LAMA2: variants seen among roughly 807,000 people sequenced by gnomAD.
LAMA2 encodes the protein laminin subunit alpha-2.
LAMA2 carries 269 observed loss-of-function variants against 364.8 expected under a neutral mutation model. The ratio of observed to expected loss-of-function variants is 0.74; its 90% CI spans 0.67 to 0.82. The LOEUF (loss-of-function observed/expected upper bound fraction) is 0.82. Among genes scored for constraint, LAMA2 ranks in the 40% least tolerant of loss-of-function variants. The pLI, the probability that LAMA2 is intolerant of heterozygous loss-of-function variation, is 0.00. For missense variants in LAMA2, 3,807 were observed against 3,873.2 expected, an observed-to-expected ratio of 0.98 and a Z score of 0.45; for synonymous variants, 1,379 against 1,370.6, an observed-to-expected ratio of 1.01 and a Z score of -0.14.
At chr6:129,018,330 T>C (rs1444036797) in intron 1 of LAMA2, among the ~76,000 whole-genome samples, 1 of 151,952 alleles carries the variant, frequency 6.6e-6, no homozygotes, top group East Asian at 1.9e-4. Context: ...TGTCAGGAAA[T>C]CAATTTGAAG....
At chr6:128,912,323 A>C (rs927682384) in intron 1 of LAMA2, among the ~76,000 whole-genome samples, 3 of 140,068 alleles carry the variant, frequency 2.1e-5, no homozygotes, top group Middle Eastern at 7.0e-3. Flanking sequence ...ACCGTAATGG[A>C]TATTTTTTTC....
chr6:128,938,457 C>A (rs1296297985), intron 1 of LAMA2, among the ~76,000 whole-genome samples: 1 of 152,030 alleles, frequency 6.6e-6, no homozygotes, highest in Admixed American at 6.6e-5. Context: ...TTTTAGACGG[C>A]GTAGTTATAG....
At chr6:129,415,585 C>T (rs1277476386) in intron 40 of LAMA2, among the ~76,000 whole-genome samples, 1 of 152,068 alleles carries the variant, frequency 6.6e-6, no homozygotes, top group African/African-American at 2.4e-5. Flanking sequence ...GTGACTCATG[C>T]CGGTAATCCC....
intron 15 of LAMA2, among the ~76,000 whole-genome samples, chr6:129,265,986 T>C (rs1197027156): frequency 2.0e-5 from 3 of 152,158 alleles, no homozygotes; most frequent in African/African-American, 2.4e-5. Context: ...TGTTCATTAT[T>C]GATGTTCAAA....
At chr6:129,439,844 A>ATATATT (rs1554297414) in intron 42 of LAMA2, among the ~76,000 whole-genome samples, 1 of 140,786 alleles carries the variant, frequency 7.1e-6, no homozygotes, top group African/African-American at 3.0e-5. Flanking sequence ...ATATATATAT[A>ATATATT]TATATCTATC....
At chr6:129,192,939 A>G (rs1781618165) in intron 12 of LAMA2, 86 bp downstream of exon 12, 3 of 1,330,070 alleles carry the variant, frequency 2.3e-6, no homozygotes, top group Non-Finnish European at 3.2e-6. Flanking sequence ...TTAAAGAAAG[A>G]CAAAATCAAA....
intron 4 of LAMA2, among the ~76,000 whole-genome samples, chr6:129,106,066 G>A (rs1171932203): frequency 1.3e-5 from 2 of 151,744 alleles, no homozygotes; most frequent in African/African-American, 4.8e-5. Flanking sequence ...CAGCTCAATG[G>A]AACTTAGATT....
chr6:128,982,158 A>G (rs1782928039), intron 1 of LAMA2, among the ~76,000 whole-genome samples: 1 of 152,220 alleles, frequency 6.6e-6, no homozygotes, highest in South Asian at 2.1e-4. Flanking sequence ...AACTCATAGA[A>G]ATAACTGTTG....
At chr6:129,330,502 T>C (rs1199133941) in intron 29 of LAMA2, among the ~76,000 whole-genome samples, 2 of 152,038 alleles carry the variant, frequency 1.3e-5, no homozygotes, top group East Asian at 3.9e-4. Flanking sequence ...GTGATTTTAA[T>C]GTCCATGAAC....
intron 36 of LAMA2, 88 bp downstream of exon 36, chr6:129,391,741 G>C (rs1779334216): frequency 8.8e-7 from 1 of 1,132,164 alleles, no homozygotes; most frequent in Admixed American, 1.9e-5. Context: ...ACACGTATAA[G>C]TAAAAGATGC....
chr6:129,082,680 A>G (rs1308815497), intron 3 of LAMA2, among the ~76,000 whole-genome samples: 1 of 151,968 alleles, frequency 6.6e-6, no homozygotes, highest in African/African-American at 2.4e-5. Context: ...GCCTCTCTGG[A>G]TATTGAATAT....
intron 12 of LAMA2, among the ~76,000 whole-genome samples, chr6:129,219,811 A>G (rs1298910541): frequency 1.0e-5 from 1 of 99,298 alleles, no homozygotes; most frequent in East Asian, 3.4e-4. Context: ...GGAACATCAC[A>G]CTCTGGGGAC....
At chr6:129,175,987 A>G (rs952836135) in intron 9 of LAMA2, among the ~76,000 whole-genome samples, 1 of 151,002 alleles carries the variant, frequency 6.6e-6, no homozygotes, top group Non-Finnish European at 1.5e-5. Flanking sequence ...TGTGGTGTTT[A>G]TATTTTCTCT....
intron 12 of LAMA2, among the ~76,000 whole-genome samples, chr6:129,241,770 A>T (rs1785407640): frequency 6.6e-6 from 1 of 152,152 alleles, no homozygotes; most frequent in Non-Finnish European, 1.5e-5. Flanking sequence ...CTTAAAATGT[A>T]TTTTATTACC....
At chr6:128,938,684 T>C (rs752055610) in intron 1 of LAMA2, among the ~76,000 whole-genome samples, 7 of 152,200 alleles carry the variant, frequency 4.6e-5, no homozygotes, top group Non-Finnish European at 7.4e-5. Flanking sequence ...CTCTTACTTA[T>C]GTTTTGTTAA....
chr6:128,920,652 T>C (rs996344430), intron 1 of LAMA2, among the ~76,000 whole-genome samples: 6 of 151,424 alleles, frequency 4.0e-5, no homozygotes, highest in Admixed American at 6.6e-5. Context: ...TTATAAGTAT[T>C]TGTTATACAG....
In LAMA2 at chr6:129,481,772, C is replaced by T. The variant is rs577129129; in HGVS notation, c.7749+333C>T. On this transcript the variant is annotated intron_variant, in intron 55 of 64. Coordinates refer to ENST00000421865, the MANE Select transcript of LAMA2 (RefSeq NM_000426.4). ...TCTTAATTTCTACTGTCTCCAAGTCCGACTCCTTACCAAATCTGTAGACAG... is the reference window on the plus strand; with the variant it reads ...TCTTAATTTCTACTGTCTCCAAGTCTGACTCCTTACCAAATCTGTAGACAG... Among the ~76,000 whole-genome samples, 17 of 152,200 alleles carry T rather than the reference C, an allele frequency of 1.1e-4. 1 individual carries two copies. In the South Asian group the frequency reaches 2.7e-3, roughly 24 times the overall value.
chr6:129,371,412 G>A (rs1778069517), intron 34 of LAMA2, among the ~76,000 whole-genome samples: 1 of 152,032 alleles, frequency 6.6e-6, no homozygotes, highest in Non-Finnish European at 1.5e-5. Flanking sequence ...CATCTGCTTA[G>A]GGGTAATTAG....
At chr6:128,888,247 T>A (rs962856015) in intron 1 of LAMA2, among the ~76,000 whole-genome samples, 3 of 152,168 alleles carry the variant, frequency 2.0e-5, no homozygotes, top group Non-Finnish European at 2.9e-5. Context: ...AGACTGAATT[T>A]AGAGGTCAGA....
Sources: allele counts gnomAD v4.1 joint callset (sites outside exome capture counted in the v4.1 genomes callset), GRCh38; gene constraint gnomAD v4.1.1; transcripts MANE v1.5; gene names NCBI Gene and HGNC (gene_info 2026-07-23, HGNC 2026-07-21).